EPB41L4A: variants seen among roughly 807,000 people sequenced by gnomAD.
EPB41L4A encodes erythrocyte membrane protein band 4.1 like 4A.
In EPB41L4A, 100 loss-of-function variants were observed where a neutral mutation model predicts 108.6. The observed-to-expected ratio is 0.92, with a 90% confidence interval of 0.78 to 1.09. The LOEUF (loss-of-function observed/expected upper bound fraction) is 1.09, where lower values mean the gene tolerates loss of function less well. Among genes scored for constraint, EPB41L4A ranks in the 50% least tolerant of loss-of-function variants. The pLI, the probability that EPB41L4A is intolerant of heterozygous loss-of-function variation, is 0.00. For synonymous variants in EPB41L4A, 319 were observed against 289.0 expected, an observed-to-expected ratio of 1.10 and a Z score of -1.05; for missense variants, 1,030 against 842.7, an observed-to-expected ratio of 1.22 and a Z score of -2.75.
rs1747531746 is a variant in EPB41L4A at position 112,215,209 on chromosome 5, CAAAAGGA to C, written c.1088-5234_1088-5228del. On this transcript the variant is annotated intron_variant, in intron 12 of 22. Coordinates refer to ENST00000261486, the MANE Select transcript of EPB41L4A (RefSeq NM_022140.5). ...ATGTGGTGGTACCTGAGACGCATGT[CAAAAGGA>C]CATGCGGCAATATACCTTGCAGGAC... Among the ~76,000 whole-genome samples the C allele has an allele frequency of 3.3e-5, 5 of 152,266 alleles. No individual in the cohort carries two copies. The South Asian group carries it at 1.0e-3, about 32-fold the overall frequency.
At chr5:112,146,744 A>T (rs1759274824) in intron 12 of EPB41L4A, among the ~76,000 whole-genome samples, 1 of 152,196 alleles carries the variant, frequency 6.6e-6, no homozygotes, top group Non-Finnish European at 1.5e-5. Flanking sequence ...CCTCGTTGCT[A>T]CTGGCAAGCT....
At chr5:112,389,936 G>A (rs546531916) in intron 1 of EPB41L4A, among the ~76,000 whole-genome samples, 1 of 152,328 alleles carries the variant, frequency 6.6e-6, no homozygotes, top group East Asian at 1.9e-4. Flanking sequence ...ACACAATAAG[G>A]AGGGATGGCA....
At chr5:112,182,224 A>G (rs933189111) in intron 18 of EPB41L4A, among the ~76,000 whole-genome samples, 1 of 152,200 alleles carries the variant, frequency 6.6e-6, no homozygotes, top group Admixed American at 6.5e-5. Flanking sequence ...AACTGTACAT[A>G]TAAGATGAGA....
At chr5:112,373,305 G>A (rs1304599968) in intron 1 of EPB41L4A, among the ~76,000 whole-genome samples, 2 of 152,250 alleles carry the variant, frequency 1.3e-5, no homozygotes, top group East Asian at 3.9e-4. Flanking sequence ...GTTCCCTTCA[G>A]GCCAGTCCCC....
chr5:112,260,237 G>C (rs1207763698), intron 7 of EPB41L4A, among the ~76,000 whole-genome samples: 1 of 152,158 alleles, frequency 6.6e-6, no homozygotes, highest in Non-Finnish European at 1.5e-5. Flanking sequence ...CTACCAGTCA[G>C]GCCAATGGGA....
At chr5:112,305,702 G>C (rs1190222064) in intron 2 of EPB41L4A, among the ~76,000 whole-genome samples, 1 of 152,064 alleles carries the variant, frequency 6.6e-6, no homozygotes, top group African/African-American at 2.4e-5. Flanking sequence ...ACTAAGCAAT[G>C]TTTACAAATC....
chr5:112,318,895 C>T (rs756480993), intron 1 of EPB41L4A, among the ~76,000 whole-genome samples: 52 of 152,198 alleles, frequency 3.4e-4, no homozygotes, highest in Admixed American at 9.8e-4. Context: ...CAGTTAAATG[C>T]TATTTCATAC....
intron 1 of EPB41L4A, among the ~76,000 whole-genome samples, chr5:112,398,557 T>A (rs920675347): frequency 6.6e-6 from 1 of 152,024 alleles, no homozygotes; most frequent in Non-Finnish European, 1.5e-5. Context: ...CCCGCTAATT[T>A]TTTGTATTTT....
chr5:112,226,417 TTTTC>T (rs762714549), intron 12 of EPB41L4A, among the ~76,000 whole-genome samples: 4 of 152,218 alleles, frequency 2.6e-5, no homozygotes, highest in Non-Finnish European at 4.4e-5. Flanking sequence ...CAGCTTTGCC[TTTTC>T]TTTGTCTTCT....
intron 1 of EPB41L4A, among the ~76,000 whole-genome samples, chr5:112,345,287 T>A (rs1411504585): frequency 6.6e-6 from 1 of 152,236 alleles, no homozygotes; most frequent in Non-Finnish European, 1.5e-5. Context: ...ATTACATTTG[T>A]AAGTCTTCAA....
At chr5:112,308,234 TC>T (rs1179490747) in intron 1 of EPB41L4A, among the ~76,000 whole-genome samples, 1 of 152,156 alleles carries the variant, frequency 6.6e-6, no homozygotes, top group Non-Finnish European at 1.5e-5. Context: ...CCTCTTCCTT[TC>T]TCTCGCCCCA....
Position 112,239,747 on chromosome 5 carries a change from T to G in EPB41L4A, c.888-10A>C. Reference sequence around the variant, plus strand: ...TTCATTTTCTGGCATTCTAATCAATTTTTAAAAGAAAATCAGACAAAGACT... The same window carrying G: ...TTCATTTTCTGGCATTCTAATCAATGTTTAAAAGAAAATCAGACAAAGACT... On this transcript the variant is annotated splice_polypyrimidine_tract_variant and intron_variant, in intron 10 of 22. Coordinates refer to ENST00000261486, the MANE Select transcript of EPB41L4A (RefSeq NM_022140.5). The G allele has an allele frequency of 1.3e-6, 2 of 1,594,308 alleles. No individual in the cohort carries two copies. Among genetic ancestry groups the G allele is most frequent in the Non-Finnish European group, 1.7e-6 (2 of 1,166,382 alleles).
At chr5:112,339,033 T>TA (rs1554099884) in intron 1 of EPB41L4A, among the ~76,000 whole-genome samples, 10 of 151,798 alleles carry the variant, frequency 6.6e-5, no homozygotes, top group African/African-American at 9.7e-5. Context: ...AGTGACAGGG[T>TA]GGGGGAGAAT....
At chr5:112,361,936 T>C (rs1758793151) in intron 1 of EPB41L4A, among the ~76,000 whole-genome samples, 1 of 152,108 alleles carries the variant, frequency 6.6e-6, no homozygotes, top group African/African-American at 2.4e-5. Flanking sequence ...AGAATCTAAT[T>C]CTAAAAAGTC....
At chr5:112,292,198 G>A (rs891919700) in intron 2 of EPB41L4A, among the ~76,000 whole-genome samples, 7 of 152,202 alleles carry the variant, frequency 4.6e-5, no homozygotes, top group African/African-American at 1.7e-4. Context: ...CACAGTGGCT[G>A]CCTGGTAAGT....
intron 1 of EPB41L4A, among the ~76,000 whole-genome samples, chr5:112,412,002 C>T (rs553311722): frequency 3.3e-5 from 5 of 152,184 alleles, no homozygotes; most frequent in Non-Finnish European, 7.4e-5. Flanking sequence ...TCTAACCAAC[C>T]GCTGAAACAT....
At chr5:112,367,469 A>G (rs898988565) in intron 1 of EPB41L4A, among the ~76,000 whole-genome samples, 1 of 152,140 alleles carries the variant, frequency 6.6e-6, no homozygotes, top group Non-Finnish European at 1.5e-5. Context: ...GAAATGTTCA[A>G]ATCATCCCTG....
Position 112,418,683 on chromosome 5 carries a change from T to C in EPB41L4A, c.99+258A>G, listed in dbSNP as rs569271701. On this transcript the variant is annotated intron_variant, in intron 1 of 22. Coordinates refer to ENST00000261486, the MANE Select transcript of EPB41L4A (RefSeq NM_022140.5). ...TGGAGAAAACCGGTTTGGGGAAGAG[T>C]TTTGGGGTGCTGCTGGGAGCCGGTG... Among the ~76,000 whole-genome samples the C allele has an allele frequency of 3.3e-5, 5 of 151,498 alleles. No individual in the cohort carries two copies. The East Asian group carries it at 9.7e-4, about 30-fold the overall frequency.
intron 15 of EPB41L4A, among the ~76,000 whole-genome samples, chr5:112,196,071 T>A (rs563233855): frequency 5.9e-5 from 9 of 152,158 alleles, no homozygotes; most frequent in African/African-American, 2.2e-4. Context: ...CAAATTCTCT[T>A]TATCTCTTCT....
Sources: allele counts gnomAD v4.1 joint callset (sites outside exome capture counted in the v4.1 genomes callset), GRCh38; gene constraint gnomAD v4.1.1; transcripts MANE v1.5; gene names NCBI Gene and HGNC (gene_info 2026-07-23, HGNC 2026-07-21).